RASGRF1: variants seen among roughly 807,000 people sequenced by gnomAD.
RASGRF1 encodes the protein Ras protein specific guanine nucleotide releasing factor 1.
In RASGRF1, 40 loss-of-function variants were observed where a neutral mutation model predicts 138.7. The observed-to-expected ratio is 0.29, with a 90% CI of 0.22 to 0.38. The LOEUF (loss-of-function observed/expected upper bound fraction) is 0.38. Among genes scored for constraint, RASGRF1 ranks in the 10% least tolerant of loss-of-function variants. The pLI, the probability that RASGRF1 is intolerant of heterozygous loss-of-function variation, is 1.00. For missense variants in RASGRF1, 1,108 were observed against 1,650.4 expected (o/e 0.67, Z 5.69); for synonymous variants, 614 against 663.2 (o/e 0.93, Z 1.14).
intron 15 of RASGRF1, among the ~76,000 whole-genome samples, chr15:79,003,314 G>A (rs2056582286): frequency 6.6e-6 from 1 of 152,192 alleles, no homozygotes; most frequent in Non-Finnish European, 1.5e-5. Flanking sequence ...TGTGCCCCTG[G>A]AGCATCCTCC....
chr15:79,067,794 T>C (rs1219616842), intron 1 of RASGRF1, among the ~76,000 whole-genome samples: 1 of 151,344 alleles, frequency 6.6e-6, no homozygotes, highest in African/African-American at 2.4e-5. Flanking sequence ...AGAGATAAGA[T>C]AGAGATAGAT....
In RASGRF1 at chr15:79,003,870, T is replaced by G; in HGVS notation, c.2381A>C (p.Asn794Thr). The G allele has an allele frequency of 6.2e-7, 1 of 1,613,918 alleles. No homozygotes were observed. The stretch of plus-strand genomic sequence containing the variant: ...CGTATCGCCCTCATCTGGAATCTTG[T>G]TGGTGAAGCTGCTGGACACATAGAG... ...SKLYVSSSFT[N>T]KIPDEGDTTP... Residue 794 changes from asparagine (N) to threonine (T), a missense_variant, in exon 15 of 27, where the codon AAC (asparagine) becomes ACC (threonine). By Grantham distance (65) the Asn-to-Thr change is moderately conservative. Around this residue, in one of 3 missense-constraint regions of RASGRF1, gnomAD observed 686 missense variants for 976.7 expected, o/e 0.70. Coordinates refer to ENST00000558480, the MANE Select transcript of RASGRF1 (RefSeq NM_001145648.3).
At chr15:78,977,215 G>A (rs533902709) in intron 24 of RASGRF1, among the ~76,000 whole-genome samples, 12 of 152,264 alleles carry the variant, frequency 7.9e-5, no homozygotes, top group African/African-American at 2.9e-4. Flanking sequence ...TCTCTTCCCT[G>A]TACTGCCCTG....
chr15:79,017,743 C>A (rs1211720273), intron 12 of RASGRF1, 27 bp downstream of exon 12: 1 of 1,585,958 alleles, frequency 6.3e-7, no homozygotes, highest in Non-Finnish European at 8.6e-7. Flanking sequence ...GGACCACTCG[C>A]TTTCAGGAAC....
At chr15:79,048,440 C>T (rs909637169) in intron 4 of RASGRF1, among the ~76,000 whole-genome samples, 1 of 152,178 alleles carries the variant, frequency 6.6e-6, no homozygotes, top group Non-Finnish European at 1.5e-5. Flanking sequence ...GCTGTGTGAC[C>T]TTGGGCAAGT....
At chr15:79,068,289 TA>T (rs2057706207) in intron 1 of RASGRF1, among the ~76,000 whole-genome samples, 2 of 151,956 alleles carry the variant, frequency 1.3e-5, no homozygotes, top group South Asian at 4.2e-4. Flanking sequence ...GAAGAGTTAA[TA>T]GGGGGCAAGT....
At chr15:78,975,941 C>T (rs570495260) in intron 24 of RASGRF1, among the ~76,000 whole-genome samples, 7 of 152,172 alleles carry the variant, frequency 4.6e-5, no homozygotes, top group South Asian at 4.2e-4. Flanking sequence ...CAGTGCTGAC[C>T]GGTGGGTTCT....
intron 9 of RASGRF1, among the ~76,000 whole-genome samples, chr15:79,025,745 A>G (rs2057037904): frequency 6.6e-6 from 1 of 152,126 alleles, no homozygotes. Flanking sequence ...CCCAAAGGGC[A>G]TGGCCCATGT....
chr15:79,051,945 C>T (rs2057437699), intron 3 of RASGRF1, among the ~76,000 whole-genome samples: 1 of 152,196 alleles, frequency 6.6e-6, no homozygotes, highest in African/African-American at 2.4e-5. Flanking sequence ...TGGAGGCAGC[C>T]TTTCCCTGAC....
intron 3 of RASGRF1, among the ~76,000 whole-genome samples, chr15:79,054,717 C>T (rs1448796085): frequency 1.3e-5 from 2 of 152,216 alleles, no homozygotes; most frequent in Admixed American, 1.3e-4. Flanking sequence ...CAGTAATCAA[C>T]CTCTGTTGTT....
chr15:79,018,481 C>T (rs1038473475), intron 11 of RASGRF1, among the ~76,000 whole-genome samples: 1 of 152,222 alleles, frequency 6.6e-6, no homozygotes, highest in East Asian at 1.9e-4. Context: ...AAAACCACAG[C>T]TTCAAGATTC....
chr15:79,045,912 T>C (rs1298116264), intron 5 of RASGRF1, among the ~76,000 whole-genome samples: 1 of 152,232 alleles, frequency 6.6e-6, no homozygotes, highest in Non-Finnish European at 1.5e-5. Flanking sequence ...AGTTGAATGA[T>C]AGGGGAACAT....
intron 5 of RASGRF1, among the ~76,000 whole-genome samples, chr15:79,039,120 G>A (rs1409205423): frequency 2.7e-5 from 4 of 150,214 alleles, no homozygotes; most frequent in African/African-American, 9.8e-5. Flanking sequence ...GGCACTATAG[G>A]GAGACCCCGT....
chr15:78,977,717 C>T (rs1026127056), intron 24 of RASGRF1, among the ~76,000 whole-genome samples: 1 of 152,234 alleles, frequency 6.6e-6, no homozygotes. Flanking sequence ...GCTTTCACTG[C>T]AGCAGCCTAC....
intron 10 of RASGRF1, among the ~76,000 whole-genome samples, chr15:79,021,871 T>C (rs1014945330): frequency 6.6e-6 from 1 of 152,182 alleles, no homozygotes; most frequent in Non-Finnish European, 1.5e-5. Flanking sequence ...ATGCAAGGAT[T>C]GATGTTATAA....
chr15:79,015,862 G>C (rs2056871428), intron 12 of RASGRF1, among the ~76,000 whole-genome samples: 1 of 152,202 alleles, frequency 6.6e-6, no homozygotes, highest in Admixed American at 6.5e-5. Flanking sequence ...GTGCTGAACT[G>C]TTCTCTCTGT....
At chr15:79,035,100 C>T (rs774538647) in intron 6 of RASGRF1, 31 bp downstream of exon 6, 2 of 1,583,942 alleles carry the variant, frequency 1.3e-6, no homozygotes, top group South Asian at 2.3e-5. Context: ...GGGGACTTCT[C>T]TGGGGGCCGC....
At chr15:79,020,142 G>C in intron 10 of RASGRF1, 38 bp from the exon 11 acceptor site, 4 of 1,600,312 alleles carry the variant, frequency 2.5e-6, no homozygotes, top group Non-Finnish European at 3.4e-6. Flanking sequence ...GGATTGAGGG[G>C]TAGATATGCT....
intron 20 of RASGRF1, among the ~76,000 whole-genome samples, chr15:78,993,265 G>T (rs1168479841): frequency 1.8e-4 from 15 of 82,512 alleles, no homozygotes; most frequent in South Asian, 7.4e-4. Context: ...GTGTGGTGTG[G>T]TGTGTGTGGT....
Sources: allele counts gnomAD v4.1 joint callset (sites outside exome capture counted in the v4.1 genomes callset), GRCh38; gene constraint gnomAD v4.1.1; regional missense constraint gnomAD v4.1.1; transcripts MANE v1.5; gene names NCBI Gene and HGNC (gene_info 2026-07-23, HGNC 2026-07-21).